CACNG7: variants seen among roughly 807,000 people sequenced by gnomAD.
The protein encoded by CACNG7 is voltage-dependent calcium channel gamma-7 subunit.
In CACNG7, 9 loss-of-function variants were observed where a neutral mutation model predicts 26.3. That is an observed-to-expected ratio of 0.34 (90% CI 0.21 to 0.60). CACNG7 has a LOEUF of 0.60. Among genes scored for constraint, CACNG7 ranks in the 20% least tolerant of loss-of-function variants. The probability of loss-of-function intolerance (pLI) is 0.81; values close to 1 mark genes in which losing one functional copy is unlikely to be tolerated. For synonymous variants in CACNG7, 170 were observed against 157.0 expected, an observed-to-expected ratio of 1.08 and a Z score of -0.62; for missense variants, 297 against 380.4, an observed-to-expected ratio of 0.78 and a Z score of 1.82.
At chr19:53,930,396 G>A (rs1206522168) in intron 4 of CACNG7, among the ~76,000 whole-genome samples, 2 of 150,768 alleles carry the variant, frequency 1.3e-5, no homozygotes, top group African/African-American at 2.4e-5. Context: ...AATTTGAGAC[G>A]GAGTCTCACT....
At chr19:53,920,441 G>A (rs1191832831) in intron 4 of CACNG7, among the ~76,000 whole-genome samples, 6 of 69,980 alleles carry the variant, frequency 8.6e-5, no homozygotes, top group Non-Finnish European at 1.5e-4. Context: ...GCCCCAGGCC[G>A]GTCATTGGTG....
chr19:53,922,352 A>G (rs1263145638), intron 4 of CACNG7, among the ~76,000 whole-genome samples: 417 of 88,198 alleles, frequency 4.7e-3, no homozygotes, highest in African/African-American at 0.023. Flanking sequence ...AGGCCTGGTC[A>G]TTGGTGGAGT....
chr19:53,942,339 TA>T lies in CACNG7; in HGVS notation c.*47del, dbSNP rs201079599. ...CCCTGCCTCCTCCTCCTCCTCGTCT[TA>T]GGGGGGTCTCCCTGCAATGCAGCGC... On this transcript the variant is annotated 3_prime_UTR_variant, in exon 6 of 6. Transcript: ENST00000391767. This position sits in a 1 kb window ranked among gnomAD's most constrained non-coding sequence, Gnocchi z 5.9. The T allele has an allele frequency of 6.8e-7, 1 of 1,461,584 alleles. No homozygotes were observed. Among genetic ancestry groups the T allele is most frequent in the Non-Finnish European group, 9.0e-7 (1 of 1,112,010 alleles). 90.5% of individuals were successfully genotyped at this position (1,461,584 alleles called of 1,614,324 possible).
At chr19:53,931,244 A>G (rs758821258) in intron 4 of CACNG7, among the ~76,000 whole-genome samples, 2 of 152,226 alleles carry the variant, frequency 1.3e-5, no homozygotes, top group Non-Finnish European at 2.9e-5. Context: ...ACGTAACTAC[A>G]ACAACATTAT....
At position 53,913,785 on chromosome 19, in the gene CACNG7, TAAA is replaced by T. The variant is rs58238779; in HGVS notation, c.197-694_197-692del. 1.3e-3 allele frequency among the ~76,000 whole-genome samples: 124 copies of T among 94,008 alleles called. 5 individuals are homozygous for T. The South Asian group carries it at 0.044, about 33-fold the overall frequency. The allele number at this position is 94,008 out of a possible 152,430, so 61.7% of individuals were successfully genotyped here. On this transcript the variant is annotated intron_variant, in intron 2 of 5. Coordinates refer to ENST00000391767, the MANE Select transcript of CACNG7 (RefSeq NM_031896.5). ...GGTGACAGAGCAAAACCCAGTCTCT[TAAA>T]AAAAAAAAAAAAAAAAAAAAGAAAA...
At chr19:53,913,097 T>G in intron 2 of CACNG7, 70 bp downstream of exon 2, 1 of 1,372,528 alleles carries the variant, frequency 7.3e-7, no homozygotes, top group South Asian at 1.3e-5. Context: ...TTAGCCATAG[T>G]CCCATCCCTT....
rs2069145235 is a variant in CACNG7, at chr19:53,942,492, A to C, written c.*199A>C. ...TCAATGGCCGCGCCCTCTTTTCCCG[A>C]CCTCTCCTTTTCATTGGTCCCTCTC... On this transcript the variant is annotated 3_prime_UTR_variant, in exon 6 of 6. Coordinates refer to ENST00000391767, the MANE Select transcript of CACNG7 (RefSeq NM_031896.5). This position sits in a 1 kb window ranked among gnomAD's most constrained non-coding sequence, Gnocchi z 5.9. The C allele has an allele frequency of 1.1e-5, 15 of 1,407,702 alleles. No homozygotes were observed. The highest frequency in any genetic ancestry group is 4.8e-5 in the South Asian group (3 of 62,706). The allele number at this position is 1,407,702 out of a possible 1,614,324, so 87.2% of individuals were successfully genotyped here. A position where few individuals can be genotyped will look rare whatever the true frequency, so the allele number is the denominator to read the frequency against.
chr19:53,941,175 G>A (rs147845815), intron 4 of CACNG7, among the ~76,000 whole-genome samples: 8 of 152,278 alleles, frequency 5.3e-5, no homozygotes, highest in South Asian at 2.1e-4. Context: ...CCCACACAGC[G>A]TGCTACTTCC....
At chr19:53,937,632 C>T (rs963747650) in intron 4 of CACNG7, among the ~76,000 whole-genome samples, 1 of 142,282 alleles carries the variant, frequency 7.0e-6, no homozygotes, top group East Asian at 2.3e-4. Flanking sequence ...CTCTTGTTGC[C>T]CAGGCTGGAG....
intron 4 of CACNG7, 43 bp from the exon 5 acceptor site, chr19:53,941,427 G>C (rs999249399): frequency 2.7e-6 from 4 of 1,483,530 alleles, no homozygotes; most frequent in Non-Finnish European, 2.7e-6. Flanking sequence ...TGGGAAAAGG[G>C]GCCCACTTCT....
chr19:53,936,902 C>T (rs1446267268), intron 4 of CACNG7, among the ~76,000 whole-genome samples: 2 of 152,012 alleles, frequency 1.3e-5, no homozygotes, highest in Admixed American at 6.6e-5. Flanking sequence ...AGCCACCGTG[C>T]CCAGCCTAAC....
intron 3 of CACNG7, among the ~76,000 whole-genome samples, chr19:53,914,872 C>T (rs985889766): frequency 3.3e-5 from 5 of 151,810 alleles, no homozygotes; most frequent in Admixed American, 6.6e-5. Context: ...CGTGGTGGCG[C>T]GTGCCTGTAG....
chr19:53,909,966 C>T lies in CACNG7; in HGVS notation c.-30+449C>T, dbSNP rs2068852365. On this transcript the variant is annotated intron_variant, in intron 1 of 5. Coordinates refer to ENST00000391767, the MANE Select transcript of CACNG7 (RefSeq NM_031896.5). This position sits in a 1 kb window ranked among gnomAD's most constrained non-coding sequence, Gnocchi z 5.1. The stretch of plus-strand genomic sequence containing the variant: ...CCCCGGAGATTCAAATGCCTGAATC[C>T]GGGAAAGGGTGGGAGAAAGAGGGAG... Among the ~76,000 whole-genome samples the T allele has an allele frequency of 6.6e-6, 1 of 151,782 alleles. No homozygotes were observed. Among genetic ancestry groups the T allele is most frequent in the East Asian group, 1.9e-4 (1 of 5,152 alleles).
Position 53,942,404 on chromosome 19 carries a change from G to A in CACNG7, c.*111G>A, listed in dbSNP as rs1269048967. On this transcript the variant is annotated 3_prime_UTR_variant, in exon 6 of 6. Transcript: ENST00000391767. This position sits in a 1 kb window ranked among gnomAD's most constrained non-coding sequence, Gnocchi z 5.9. ...CGGGACTCCTCGCTCCCACCCGGAG[G>A]AGGCTGCGCCAGCTTTAGGCCCCGC... The A allele has an allele frequency of 6.6e-7, 1 of 1,509,172 alleles. No homozygotes were observed. The highest frequency in any genetic ancestry group is 8.8e-7 in the Non-Finnish European group (1 of 1,132,684). The allele number at this position is 1,509,172 out of a possible 1,614,324, so 93.5% of individuals were successfully genotyped here. A position where few individuals can be genotyped will look rare whatever the true frequency, so the allele number is the denominator to read the frequency against.
intron 4 of CACNG7, among the ~76,000 whole-genome samples, chr19:53,926,756 T>C (rs2069033827): frequency 6.6e-6 from 1 of 151,394 alleles, no homozygotes; most frequent in African/African-American, 2.4e-5. Context: ...CCACTAAAAA[T>C]AGAAAAATTG....
intron 4 of CACNG7, among the ~76,000 whole-genome samples, chr19:53,935,884 A>C (rs935563536): frequency 4.0e-5 from 6 of 150,642 alleles, no homozygotes; most frequent in Non-Finnish European, 7.4e-5. Context: ...CAAGTGATCC[A>C]CCTGCCTTGG....
At position 53,942,141 on chromosome 19, in the gene CACNG7, G is replaced by A. The variant is rs755028200; in HGVS notation, c.676G>A (p.Asp226Asn). The change falls in exon 6 of 6, where the codon GAC becomes AAC. Residue 226 changes from aspartate (D) to asparagine (N), a missense_variant. Asp to Asn is a conservative substitution (Grantham distance 23, BLOSUM62 1). Coordinates refer to ENST00000391767, the MANE Select transcript of CACNG7 (RefSeq NM_031896.5). The surrounding 1 kb of genome is among the most constrained non-coding windows in gnomAD (Gnocchi z 5.9). ...CCGCCCGCGTCTCAGCGACTGCTCC[G>A]ACTACTCGGGCCAGTTCCTGCAGCC... ...FYRPRLSDCS[D>N]YSGQFLQPEA... is the part of the protein sequence containing the mutation. 4 of 1,613,980 alleles carry A rather than the reference G, an allele frequency of 2.5e-6. No homozygotes were observed. Among genetic ancestry groups the A allele is most frequent in the Admixed American group, 3.3e-5 (2 of 60,002 alleles).
intron 4 of CACNG7, among the ~76,000 whole-genome samples, chr19:53,919,033 G>A (rs969242283): frequency 6.6e-6 from 1 of 152,234 alleles, no homozygotes; most frequent in Non-Finnish European, 1.5e-5. Context: ...GCCTCCCGAA[G>A]TGCTGGAATT....
At chr19:53,910,197 G>A (rs576161532) in intron 1 of CACNG7, among the ~76,000 whole-genome samples, 1 of 152,248 alleles carries the variant, frequency 6.6e-6, no homozygotes, top group Admixed American at 6.5e-5. Flanking sequence ...ACCTGGGATG[G>A]AGGCAGCCAG....
Sources: allele counts gnomAD v4.1 joint callset (sites outside exome capture counted in the v4.1 genomes callset), GRCh38; gene constraint gnomAD v4.1.1; non-coding constraint Gnocchi (gnomAD v3.1); transcripts MANE v1.5; gene names NCBI Gene and HGNC (gene_info 2026-07-23, HGNC 2026-07-21).